IFT74: variants seen among roughly 807,000 people sequenced by gnomAD.
IFT74 encodes the protein intraflagellar transport 74, also known as intraflagellar transport protein 74 homolog.
In IFT74, 92 loss-of-function variants were observed where a neutral mutation model predicts 96.7. That is an observed-to-expected ratio of 0.95 (90% CI 0.80 to 1.13). The LOEUF is 1.13. Ranked by LOEUF, IFT74 falls within the 50% of genes most tolerant of loss-of-function variation. The pLI, the probability that IFT74 is intolerant of heterozygous loss-of-function variation, is 0.00. For synonymous variants in IFT74, 223 were observed against 213.2 expected (o/e 1.05, Z -0.40); for missense variants, 811 against 698.2 (o/e 1.16, Z -1.82).
At chr9:27,014,107 C>T (rs1587355648) in intron 10 of IFT74, among the ~76,000 whole-genome samples, 2 of 151,872 alleles carry the variant, frequency 1.3e-5, no homozygotes, top group Non-Finnish European at 2.9e-5. Flanking sequence ...CCCAGCTGCT[C>T]GGGAGGCTGA....
In IFT74 at chr9:27,044,808, C is replaced by T; in HGVS notation, c.1108+13C>T. 7.1e-7 allele frequency: 1 copy of T among 1,403,718 alleles called. No homozygotes were observed. The highest frequency in any genetic ancestry group is 9.8e-7 in the Non-Finnish European group (1 of 1,020,096). The allele number at this position is 1,403,718 out of a possible 1,614,324, so 87.0% of individuals were successfully genotyped here. A position where few individuals can be genotyped will look rare whatever the true frequency, so the allele number is the denominator to read the frequency against. Reference sequence around the variant, plus strand: ...GAACATATGGACAGTAAGTGATATTCTTGTAGATATAAAAATATAATATTT... The same window carrying T: ...GAACATATGGACAGTAAGTGATATTTTTGTAGATATAAAAATATAATATTT... On this transcript the variant is annotated intron_variant, in intron 14 of 19. Coordinates refer to ENST00000380062, the MANE Select transcript of IFT74 (RefSeq NM_025103.4).
Position 26,978,257 on chromosome 9 carries a change from A to G in IFT74, c.250A>G (p.Thr84Ala). 1 of 1,612,982 alleles carries G rather than the reference A, an allele frequency of 6.2e-7. No homozygotes were observed. ...AGGTTTGACTGGAATGAAAACTGGG[A>G]CGAAAGGTACCTATTTTAAGATAAG... ...QQGLTGMKTGTKGPQRQILDK... is the reference protein window; with the variant it reads ...QQGLTGMKTGAKGPQRQILDK... Residue 84 changes from threonine (T) to alanine (A), a missense_variant, in exon 3 of 20, where the codon ACG (threonine) becomes GCG (alanine). Coordinates refer to ENST00000380062, the MANE Select transcript of IFT74 (RefSeq NM_025103.4).
chr9:27,045,059 C>T (rs1470059160), intron 14 of IFT74, among the ~76,000 whole-genome samples: 2 of 152,166 alleles, frequency 1.3e-5, no homozygotes, highest in African/African-American at 4.8e-5. Flanking sequence ...CAGAGGAAAC[C>T]TATAGACCAG....
intron 11 of IFT74, among the ~76,000 whole-genome samples, chr9:27,018,393 C>A (rs1315428735): frequency 2.0e-5 from 3 of 152,120 alleles, no homozygotes; most frequent in Non-Finnish European, 4.4e-5. Flanking sequence ...GATGAGCTAT[C>A]CTCATGGTGC....
In IFT74 at chr9:26,982,365, G is replaced by A. The variant is rs994451804; in HGVS notation, c.305+1746G>A. Reference sequence around the variant, plus strand: ...TGCAACTTCCACCGCCTGGATTCAAGTGATTCTCTTGCCTCAGCCTCGTGC... The same window carrying A: ...TGCAACTTCCACCGCCTGGATTCAAATGATTCTCTTGCCTCAGCCTCGTGC... On this transcript the variant is annotated intron_variant, in intron 4 of 19. Transcript: ENST00000380062. 2.0e-5 allele frequency: 9 copies of A among 443,806 alleles called. 1 individual carries two copies. Among genetic ancestry groups the A allele is most frequent in the Non-Finnish European group, 4.1e-5 (9 of 221,186 alleles). 27.5% of individuals were successfully genotyped at this position (443,806 alleles called of 1,614,324 possible).
chr9:26,990,224 T>C (rs752031680), intron 8 of IFT74, 29 bp downstream of exon 8: 8 of 1,189,106 alleles, frequency 6.7e-6, no homozygotes, highest in Admixed American at 2.8e-5. Context: ...AAAATTAGAT[T>C]CATAAGTAAG....
At chr9:27,021,701 G>A (rs116115598) in intron 12 of IFT74, among the ~76,000 whole-genome samples, 297 of 151,684 alleles carry the variant, frequency 2.0e-3, no homozygotes, top group African/African-American at 6.9e-3. Context: ...TTGCTGATTT[G>A]TTTGAACTTG....
At chr9:27,042,671 C>T (rs1199274894) in intron 13 of IFT74, among the ~76,000 whole-genome samples, 3 of 152,108 alleles carry the variant, frequency 2.0e-5, no homozygotes, top group Non-Finnish European at 4.4e-5. Flanking sequence ...TAGTTAAATC[C>T]TTGTAAAGTC....
At chr9:26,975,792 A>G (rs1286749699) in intron 2 of IFT74, among the ~76,000 whole-genome samples, 2 of 152,206 alleles carry the variant, frequency 1.3e-5, no homozygotes, top group Non-Finnish European at 2.9e-5. Context: ...GTTAAGGCTC[A>G]GTCCCTCGTA....
chr9:27,031,721 A>G (rs1006275822), intron 13 of IFT74, among the ~76,000 whole-genome samples: 1 of 144,160 alleles, frequency 6.9e-6, no homozygotes, highest in African/African-American at 2.6e-5. Context: ...TGCCTTAGCT[A>G]AATAAAATAA....
chr9:27,025,460 AAAAG>A (rs1829818206), intron 12 of IFT74, among the ~76,000 whole-genome samples: 2 of 146,198 alleles, frequency 1.4e-5, no homozygotes, highest in Admixed American at 6.8e-5. Flanking sequence ...AAAAAAAAAA[AAAAG>A]AAAAGAAAAG....
At chr9:26,971,752 G>C (rs940888670) in intron 2 of IFT74, among the ~76,000 whole-genome samples, 4 of 152,096 alleles carry the variant, frequency 2.6e-5, no homozygotes, top group African/African-American at 9.7e-5. Flanking sequence ...TGGACAATTA[G>C]TTCTTTTTGG....
chr9:26,988,743 A>G lies in IFT74; in HGVS notation c.525+15A>G. 2 of 1,514,584 alleles carry G rather than the reference A, an allele frequency of 1.3e-6. No homozygotes were observed. Among genetic ancestry groups the G allele is most frequent in the East Asian group, 2.3e-5 (1 of 43,694 alleles). The allele number at this position is 1,514,584 out of a possible 1,614,324, so 93.8% of individuals were successfully genotyped here. The stretch of plus-strand genomic sequence containing the variant: ...ATTACAATATGGTAAGAAAATTTAT[A>G]AAAGCAAATTGATCTATGTAAGTCA... On this transcript the variant is annotated intron_variant, in intron 7 of 19. Transcript: ENST00000380062.
intron 8 of IFT74, chr9:26,999,847 C>T (rs898312747): frequency 3.1e-5 from 17 of 547,556 alleles, no homozygotes; most frequent in Non-Finnish European, 4.6e-5. Context: ...TCACAGCTCA[C>T]TGCAGCCTTG....
Position 27,011,811 on chromosome 9 carries a change from A to G in IFT74, c.727-95A>G, listed in dbSNP as rs932273552. ...GTCACTTTGAAATGTTGAGAAACAG[A>G]GAAATAAATTTTTTTTCCCAGCTCC... On this transcript the variant is annotated intron_variant, in intron 9 of 19. Coordinates refer to ENST00000380062, the MANE Select transcript of IFT74 (RefSeq NM_025103.4). The G allele has an allele frequency of 9.8e-6, 6 of 612,650 alleles. No homozygotes were observed. In the East Asian group the frequency reaches 1.9e-4, roughly 20 times the overall value. The allele number at this position is 612,650 out of a possible 1,614,324, so 38.0% of individuals were successfully genotyped here.
At chr9:27,011,090 TA>T (rs1829043370) in intron 9 of IFT74, among the ~76,000 whole-genome samples, 1 of 152,180 alleles carries the variant, frequency 6.6e-6, no homozygotes, top group African/African-American at 2.4e-5. Context: ...CTGTCTCTAC[TA>T]AAAACACAAA....
At chr9:27,060,748 G>T in intron 19 of IFT74, 97 bp downstream of exon 19, 1 of 739,178 alleles carries the variant, frequency 1.4e-6, no homozygotes, top group Non-Finnish European at 2.2e-6. Context: ...CACAAGGTCA[G>T]GAGATTGAGA....
intron 8 of IFT74, chr9:26,993,520 T>A (rs1554669180): frequency 6.6e-6 from 1 of 152,572 alleles, no homozygotes; most frequent in Non-Finnish European, 1.5e-5. Context: ...CTAGTTTTTA[T>A]TTTCTCTCAG....
At position 27,009,014 on chromosome 9, in the gene IFT74, T is replaced by C. The variant is rs774095328; in HGVS notation, c.588-6T>C. The C allele has an allele frequency of 2.5e-6, 4 of 1,609,238 alleles. No individual in the cohort carries two copies. Among genetic ancestry groups the C allele is most frequent in the South Asian group, 2.2e-5 (2 of 90,674 alleles). ...TATCAGGAATATTACGTGCTTCTGA[T>C]TTTAGGAAAGAAAAACAAATCAGAA... On this transcript the variant is annotated splice_region_variant and splice_polypyrimidine_tract_variant and intron_variant, in intron 8 of 19. Coordinates refer to ENST00000380062, the MANE Select transcript of IFT74 (RefSeq NM_025103.4).
Sources: gnomAD v4.1 joint callset for allele counts (sites outside exome capture counted in the v4.1 genomes callset) on GRCh38, gnomAD v4.1.1 for gene constraint, MANE v1.5 for transcripts, NCBI Gene and HGNC (gene_info 2026-07-23, HGNC 2026-07-21) for gene names.